Variants in ZFAT observed in about 807,000 individuals in gnomAD.
The protein encoded by ZFAT is zinc finger and AT-hook domain containing, also known as zinc finger protein ZFAT.
A neutral mutation model predicts 117.7 loss-of-function variants in ZFAT; 64 were observed. The observed-to-expected ratio is 0.54, with a 90% CI of 0.44 to 0.67. ZFAT has a LOEUF of 0.67. Among genes scored for constraint, ZFAT ranks in the 30% least tolerant of loss-of-function variants. ZFAT has a pLI of 0.00. For synonymous variants in ZFAT, 679 were observed against 615.0 expected, an observed-to-expected ratio of 1.10 and a Z score of -1.54; for missense variants, 1,433 against 1,584.5, an observed-to-expected ratio of 0.90 and a Z score of 1.62.
intron 14 of ZFAT, chr8:134,510,930 AAGGGACGGGGTTCTC>A (rs1425977140): frequency 6.6e-6 from 1 of 152,350 alleles, no homozygotes; most frequent in African/African-American, 2.4e-5. Context: ...CAGTGCAGAA[AAGGGACGGGGTTCTC>A]AGGAGGTGAC....
intron 1 of ZFAT, 24 bp downstream of exon 1, chr8:134,712,821 A>ACACC: frequency 1.5e-6 from 1 of 669,108 alleles, no homozygotes; most frequent in Non-Finnish European, 2.0e-6. Flanking sequence ...ACCCCGTCTC[A>ACACC]CCCCAACCCC....
At chr8:134,754,719 C>CT in the ZFAT span, among the ~76,000 whole-genome samples, 1 of 152,260 alleles carries the variant, frequency 6.6e-6, no homozygotes, top group African/African-American at 2.4e-5. Context: ...GTCACCAACC[C>CT]TTAGCCCATG....
chr8:134,702,615 G>A (rs1834042182), intron 1 of ZFAT, among the ~76,000 whole-genome samples: 1 of 151,220 alleles, frequency 6.6e-6, no homozygotes, highest in African/African-American at 2.4e-5. Flanking sequence ...TGCCATGATT[G>A]TAAGGCCTCC....
At position 134,503,815 on chromosome 8, in the gene ZFAT, TCA is replaced by T. The variant is rs1199967522; in HGVS notation, c.3492+5802_3492+5803del. Among the ~76,000 whole-genome samples the T allele has an allele frequency of 1.9e-4, 29 of 151,922 alleles. No individual in the cohort carries two copies. In the East Asian group the frequency reaches 5.0e-3, roughly 26 times the overall value. The stretch of plus-strand genomic sequence containing the variant: ...AAGCCTGCCAGCCTTCAAATTGGAG[TCA>T]CACCATTGGCTCTCCTGGGACCCCA... On this transcript the variant is annotated intron_variant, in intron 15 of 15. Transcript: ENST00000377838.
At chr8:134,583,131 C>A (rs924142341) in intron 10 of ZFAT, among the ~76,000 whole-genome samples, 1 of 152,076 alleles carries the variant, frequency 6.6e-6, no homozygotes, top group African/African-American at 2.4e-5. Flanking sequence ...TCGACCCATG[C>A]CCTGCTCCCA....
chr8:134,605,758 C>A (rs1827843613), intron 5 of ZFAT, among the ~76,000 whole-genome samples: 1 of 152,154 alleles, frequency 6.6e-6, no homozygotes, highest in Admixed American at 6.5e-5. Flanking sequence ...GCACGTTTAT[C>A]TTTCTTCACT....
At chr8:134,585,270 G>A (rs558940584) in intron 9 of ZFAT, among the ~76,000 whole-genome samples, 1 of 152,214 alleles carries the variant, frequency 6.6e-6, no homozygotes, top group South Asian at 2.1e-4. Flanking sequence ...CCCTCAGCAG[G>A]CATTTCAACC....
chr8:134,650,398 T>C (rs912480183), intron 2 of ZFAT, among the ~76,000 whole-genome samples: 3 of 152,168 alleles, frequency 2.0e-5, no homozygotes, highest in African/African-American at 4.8e-5. Context: ...AGTGCTGGGA[T>C]TACAGTCGTG....
chr8:134,532,353 A>G (rs1821479842), intron 12 of ZFAT, among the ~76,000 whole-genome samples: 1 of 152,236 alleles, frequency 6.6e-6, no homozygotes, highest in Non-Finnish European at 1.5e-5. Context: ...AGAAAAATCT[A>G]AAAATCCCAC....
At chr8:134,620,803 G>A (rs571460053) in intron 3 of ZFAT, among the ~76,000 whole-genome samples, 1 of 152,200 alleles carries the variant, frequency 6.6e-6, no homozygotes, top group African/African-American at 2.4e-5. Context: ...CAGGGTGCTT[G>A]ACAAAGAACA....
At chr8:134,820,604 G>A in the ZFAT span, among the ~76,000 whole-genome samples, 1 of 152,218 alleles carries the variant, frequency 6.6e-6, no homozygotes, top group Admixed American at 6.5e-5. Flanking sequence ...AGTCATGCTG[G>A]TTCCATGACA....
chr8:134,583,770 T>A (rs1396092824), intron 10 of ZFAT, 62 bp downstream of exon 10: 2 of 1,575,076 alleles, frequency 1.3e-6, no homozygotes, highest in African/African-American at 2.7e-5. Flanking sequence ...TCTGACAAAC[T>A]GGAACATCAG....
At chr8:134,557,198 C>T (rs1823702125) in intron 11 of ZFAT, among the ~76,000 whole-genome samples, 1 of 152,114 alleles carries the variant, frequency 6.6e-6, no homozygotes, top group Admixed American at 6.5e-5. Context: ...ACAGCAACCA[C>T]TAAAACAAGA....
At chr8:134,800,733 G>GA in the ZFAT span, 7 of 317,474 alleles carry the variant, frequency 2.2e-5, no homozygotes, top group East Asian at 3.6e-4. Context: ...TATCCTGAGA[G>GA]AAAGTGTAGA....
intron 1 of ZFAT, chr8:134,673,560 G>A (rs1263530842): frequency 1.1e-5 from 2 of 179,312 alleles, no homozygotes; most frequent in Admixed American, 5.5e-5. Flanking sequence ...ATTTTACATA[G>A]CAGGATATAT....
chr8:134,647,106 TAAAC>T (rs1365104837), intron 2 of ZFAT, among the ~76,000 whole-genome samples: 1 of 152,082 alleles, frequency 6.6e-6, no homozygotes, highest in Non-Finnish European at 1.5e-5. Flanking sequence ...ATATTCCTGA[TAAAC>T]AAAAATACTC....
chr8:134,710,495 C>G (rs1259257259), intron 1 of ZFAT, among the ~76,000 whole-genome samples: 1 of 152,190 alleles, frequency 6.6e-6, no homozygotes, highest in Non-Finnish European at 1.5e-5. Context: ...TTGGACGTAC[C>G]TATGATCCAG....
At chr8:134,683,731 A>G (rs1833180594) in intron 1 of ZFAT, among the ~76,000 whole-genome samples, 1 of 151,966 alleles carries the variant, frequency 6.6e-6, no homozygotes, top group African/African-American at 2.4e-5. Flanking sequence ...AAATGGATGC[A>G]AGAAGCTCCT....
the ZFAT span, among the ~76,000 whole-genome samples, chr8:134,776,477 A>AT: frequency 0.019 from 2,825 of 151,882 alleles, 98 homozygotes; most frequent in African/African-American, 0.064. Context: ...TAGTTATTTT[A>AT]TTTTTTTGTA....
Sources: allele counts gnomAD v4.1 joint callset (sites outside exome capture counted in the v4.1 genomes callset), GRCh38; gene constraint gnomAD v4.1.1; transcripts MANE v1.5; gene names NCBI Gene and HGNC (gene_info 2026-07-23, HGNC 2026-07-21).